The following SLC71A1 variants were observed in gnomAD, a reference collection of about 807,000 sequenced individuals.
SLC71A1 encodes the protein solute carrier family 71 member 1, also known as hippocampus abundant gene transcript 1.
chr1:100,082,245 A>G, the SLC71A1 span: 2 of 1,538,348 alleles, frequency 1.3e-6, no homozygotes, highest in Admixed American at 3.5e-5. Flanking sequence ...ATCAGCACCC[A>G]GGTCTTAGTT....
chr1:100,062,850 C>T, the SLC71A1 span, among the ~76,000 whole-genome samples: 50 of 143,216 alleles, frequency 3.5e-4, no homozygotes, highest in African/African-American at 1.1e-3. Flanking sequence ...TTGAGGCAGG[C>T]GGATCACTTG....
chr1:100,076,039 T>C, the SLC71A1 span, among the ~76,000 whole-genome samples: 1 of 152,202 alleles, frequency 6.6e-6, no homozygotes, highest in Non-Finnish European at 1.5e-5. Context: ...AAGTTTCCTT[T>C]TCTGGTTTGG....
chr1:100,047,374 A>G, the SLC71A1 span, among the ~76,000 whole-genome samples: 7,376 of 152,298 alleles, frequency 0.048, 209 homozygotes, highest in African/African-American at 0.073. Flanking sequence ...ATGTTGGACT[A>G]TCCTTTCATA....
chr1:100,062,892 A>G, the SLC71A1 span, among the ~76,000 whole-genome samples: 1 of 147,302 alleles, frequency 6.8e-6, no homozygotes, highest in Non-Finnish European at 1.5e-5. Context: ...CCTGGCCAAC[A>G]TGGTGAAACC....
At chr1:100,059,986 T>C in the SLC71A1 span, 37 of 1,611,572 alleles carry the variant, frequency 2.3e-5, 1 homozygote, top group South Asian at 3.7e-4. Context: ...CCCAATTCCT[T>C]TAATGAAGAT....
At chr1:100,073,006 T>G in the SLC71A1 span, among the ~76,000 whole-genome samples, 4 of 152,144 alleles carry the variant, frequency 2.6e-5, no homozygotes, top group African/African-American at 7.2e-5. Context: ...AAATCTGGGT[T>G]CCATCCCTTG....
the SLC71A1 span, among the ~76,000 whole-genome samples, chr1:100,072,780 C>T: frequency 3.3e-5 from 5 of 152,058 alleles, no homozygotes; most frequent in African/African-American, 9.7e-5. Flanking sequence ...CCCATTACTT[C>T]CTGGGCACCG....
At chr1:100,066,636 CAAG>C in the SLC71A1 span, among the ~76,000 whole-genome samples, 1 of 152,176 alleles carries the variant, frequency 6.6e-6, no homozygotes, top group African/African-American at 2.4e-5. Flanking sequence ...GACTGGCAGT[CAAG>C]GAGGGGTGTT....
chr1:100,049,564 C>T, the SLC71A1 span, among the ~76,000 whole-genome samples: 2 of 152,142 alleles, frequency 1.3e-5, no homozygotes, highest in Non-Finnish European at 2.9e-5. Flanking sequence ...GCCTTGGAAG[C>T]TTTGTACAGG....
the SLC71A1 span, among the ~76,000 whole-genome samples, chr1:100,063,923 CTG>C: frequency 6.6e-6 from 1 of 152,166 alleles, no homozygotes; most frequent in African/African-American, 2.4e-5. Context: ...GACTTGCTCA[CTG>C]TGTCACAAAT....
the SLC71A1 span, among the ~76,000 whole-genome samples, chr1:100,072,634 G>A: frequency 1.3e-5 from 2 of 151,890 alleles, no homozygotes; most frequent in Non-Finnish European, 2.9e-5. Flanking sequence ...ATTGGGAAGT[G>A]TTACGTGAAA....
the SLC71A1 span, among the ~76,000 whole-genome samples, chr1:100,065,362 A>G: frequency 1.3e-5 from 2 of 152,338 alleles, no homozygotes; most frequent in African/African-American, 4.8e-5. Context: ...TAAGTTCTCC[A>G]TCCAAAAGTC....
chr1:100,071,855 G>C, the SLC71A1 span, among the ~76,000 whole-genome samples: 10 of 152,322 alleles, frequency 6.6e-5, no homozygotes, highest in African/African-American at 2.4e-4. Flanking sequence ...AACAGTCTCT[G>C]AGAGTGCAGA....
chr1:100,053,571 T>G, the SLC71A1 span, among the ~76,000 whole-genome samples: 1 of 152,202 alleles, frequency 6.6e-6, no homozygotes, highest in Non-Finnish European at 1.5e-5. Context: ...TTCAAAGATA[T>G]TCTTTGAAGT....
chr1:100,081,702 A>G, the SLC71A1 span, among the ~76,000 whole-genome samples: 1 of 152,158 alleles, frequency 6.6e-6, no homozygotes, highest in Non-Finnish European at 1.5e-5. Context: ...ATCTTTCTAT[A>G]AACGTTTTCC....
At chr1:100,067,079 C>G in the SLC71A1 span, among the ~76,000 whole-genome samples, 1 of 151,784 alleles carries the variant, frequency 6.6e-6, no homozygotes, top group East Asian at 1.9e-4. Flanking sequence ...TTCACGCAGT[C>G]CTCCCACCTT....
the SLC71A1 span, among the ~76,000 whole-genome samples, chr1:100,051,772 A>C: frequency 6.6e-6 from 1 of 152,178 alleles, no homozygotes; most frequent in Non-Finnish European, 1.5e-5. Flanking sequence ...AAAGTACTTG[A>C]GCTTTGTAAT....
At chr1:100,058,419 T>G in the SLC71A1 span, among the ~76,000 whole-genome samples, 2 of 152,176 alleles carry the variant, frequency 1.3e-5, no homozygotes, top group African/African-American at 4.8e-5. Context: ...GCATATCAGT[T>G]TTCTGATAGG....
the SLC71A1 span, among the ~76,000 whole-genome samples, chr1:100,046,032 A>C: frequency 3.9e-5 from 6 of 152,140 alleles, no homozygotes; most frequent in African/African-American, 1.4e-4. Flanking sequence ...TCCTTTTCCC[A>C]ATGTATACTT....
Sources: gnomAD v4.1 joint callset for allele counts (sites outside exome capture counted in the v4.1 genomes callset) on GRCh38, gnomAD v4.1.1 for gene constraint, MANE v1.5 for transcripts, NCBI Gene and HGNC (gene_info 2026-07-23, HGNC 2026-07-21) for gene names.